TRAK1: variants seen among roughly 807,000 people sequenced by gnomAD.
The protein encoded by TRAK1 is trafficking kinesin-binding protein 1.
TRAK1 carries 33 observed loss-of-function variants against 92.1 expected under a neutral mutation model. The ratio of observed to expected loss-of-function variants is 0.36; its 90% CI spans 0.27 to 0.48. TRAK1 has a LOEUF of 0.48. Among genes scored for constraint, TRAK1 ranks in the 20% least tolerant of loss-of-function variants. The pLI, the probability that TRAK1 is intolerant of heterozygous loss-of-function variation, is 0.99. For missense variants in TRAK1, 1,123 were observed against 1,257.9 expected, an observed-to-expected ratio of 0.89 and a Z score of 1.62; for synonymous variants, 521 against 517.3, an observed-to-expected ratio of 1.01 and a Z score of -0.10.
intron 8 of TRAK1, among the ~76,000 whole-genome samples, chr3:42,193,448 T>C (rs545702761): frequency 6.6e-6 from 1 of 152,358 alleles, no homozygotes; most frequent in South Asian, 2.1e-4. Context: ...GTTGTAAATA[T>C]GGACTTTTGC....
Position 42,223,888 on chromosome 3 carries a change from G to A in TRAK1, c.*151G>A. The A allele has an allele frequency of 1.1e-6, 1 of 888,236 alleles. No individual in the cohort carries two copies. The highest frequency in any genetic ancestry group is 1.7e-6 in the Non-Finnish European group (1 of 581,752). 55.0% of individuals were successfully genotyped at this position (888,236 alleles called of 1,614,324 possible). On this transcript the variant is annotated 3_prime_UTR_variant, in exon 16 of 16. Coordinates refer to ENST00000327628, the MANE Select transcript of TRAK1 (RefSeq NM_001042646.3). This position sits in a 1 kb window ranked among gnomAD's most constrained non-coding sequence, Gnocchi z 6.1. ...AGACAAATCAACCTCGTGCCTAATGGAGGAAGTGTGGAAACTTTGTAAAAT... is the reference window on the plus strand; with the variant it reads ...AGACAAATCAACCTCGTGCCTAATGAAGGAAGTGTGGAAACTTTGTAAAAT...
chr3:42,130,217 A>T (rs1383751449), intron 2 of TRAK1, among the ~76,000 whole-genome samples: 1 of 152,064 alleles, frequency 6.6e-6, no homozygotes, highest in African/African-American at 2.4e-5. Context: ...GCAGACATGA[A>T]AGCTGCTGCA....
chr3:42,156,452 C>T (rs569948341), intron 2 of TRAK1, among the ~76,000 whole-genome samples: 25 of 152,270 alleles, frequency 1.6e-4, no homozygotes, highest in Admixed American at 5.2e-4. Context: ...GCAGCCAGCC[C>T]GAAGGGGCTC....
At chr3:42,071,542 T>A (rs1240413959) in intron 1 of TRAK1, among the ~76,000 whole-genome samples, 3 of 152,060 alleles carry the variant, frequency 2.0e-5, no homozygotes, top group African/African-American at 7.2e-5. Flanking sequence ...ATCCCGTCTC[T>A]ACTAAAAATA....
At chr3:42,178,138 G>A (rs1275161907) in intron 3 of TRAK1, among the ~76,000 whole-genome samples, 4 of 152,090 alleles carry the variant, frequency 2.6e-5, no homozygotes, top group Non-Finnish European at 4.4e-5. Flanking sequence ...CACCCCGTTC[G>A]GGTCATTGAG....
intron 12 of TRAK1, among the ~76,000 whole-genome samples, chr3:42,201,935 T>G (rs1242322454): frequency 1.4e-5 from 2 of 142,648 alleles, no homozygotes; most frequent in Non-Finnish European, 3.1e-5. Context: ...CACACACCAT[T>G]GTCTACTTTG....
chr3:42,089,684 C>CCCG, upstream of TRAK1, among the ~76,000 whole-genome samples: 1 of 150,736 alleles, frequency 6.6e-6, no homozygotes, highest in Non-Finnish European at 1.5e-5. Flanking sequence ...GACCCCCCCC[C>CCCG]AATACAGAGT....
intron 1 of TRAK1, among the ~76,000 whole-genome samples, chr3:42,113,265 A>AT (rs1708701354): frequency 6.6e-6 from 1 of 152,080 alleles, no homozygotes; most frequent in African/African-American, 2.4e-5. Flanking sequence ...CAAACATAAT[A>AT]TTTGCCATTT....
At chr3:42,053,377 G>GT (rs1279406678) in intron 1 of TRAK1, among the ~76,000 whole-genome samples, 1 of 84,158 alleles carries the variant, frequency 1.2e-5, no homozygotes, top group South Asian at 3.2e-4. Flanking sequence ...GAGTCGGGTG[G>GT]GGGGGGGGGG....
chr3:42,062,666 A>C (rs1175651756), intron 1 of TRAK1, among the ~76,000 whole-genome samples: 1 of 152,230 alleles, frequency 6.6e-6, no homozygotes, highest in African/African-American at 2.4e-5. Context: ...TGTATGCCTT[A>C]AAACAAAGTA....
chr3:42,064,994 G>A (rs1236505722), intron 1 of TRAK1, among the ~76,000 whole-genome samples: 1 of 152,060 alleles, frequency 6.6e-6, no homozygotes, highest in East Asian at 2.0e-4. Context: ...GGAGAATGGT[G>A]TGAATCCGGG....
At chr3:42,137,886 T>C (rs1215561028) in intron 2 of TRAK1, among the ~76,000 whole-genome samples, 1 of 152,216 alleles carries the variant, frequency 6.6e-6, no homozygotes, top group Non-Finnish European at 1.5e-5. Context: ...TGGGACTCGG[T>C]TTCTTATCTG....
chr3:42,201,929 C>CAT (rs1559378418), intron 12 of TRAK1, among the ~76,000 whole-genome samples: 25 of 148,242 alleles, frequency 1.7e-4, no homozygotes, highest in African/African-American at 6.2e-4. Context: ...CACACACACA[C>CAT]ACCATTGTCT....
chr3:42,186,497 T>A (rs1704880013), intron 4 of TRAK1, among the ~76,000 whole-genome samples: 2 of 152,236 alleles, frequency 1.3e-5, no homozygotes, highest in Admixed American at 1.3e-4. Context: ...AGAATGCTGT[T>A]GTATTTTAGG....
chr3:42,148,923 C>G lies in TRAK1; in HGVS notation c.286+23309C>G, dbSNP rs141773396. Among the ~76,000 whole-genome samples the G allele has an allele frequency of 1.4e-4, 22 of 152,202 alleles. No individual in the cohort carries two copies. The East Asian group carries it at 4.1e-3, about 28-fold the overall frequency. On this transcript the variant is annotated intron_variant, in intron 2 of 15. Coordinates refer to ENST00000327628, the MANE Select transcript of TRAK1 (RefSeq NM_001042646.3). ...ATCCAGAGTCTTCTTTCTATCGTGA[C>G]CCAAAGTAGGGTGAATAAGCTTGTC...
upstream of TRAK1, among the ~76,000 whole-genome samples, chr3:42,085,850 G>C (rs868042494): frequency 7.2e-5 from 11 of 152,162 alleles, no homozygotes; most frequent in Middle Eastern, 3.2e-3. Flanking sequence ...AAACCACACG[G>C]ATATGAAAGT....
At chr3:42,119,508 A>G (rs1007997876) in intron 1 of TRAK1, among the ~76,000 whole-genome samples, 1 of 152,210 alleles carries the variant, frequency 6.6e-6, no homozygotes, top group African/African-American at 2.4e-5. Flanking sequence ...AAGTAATTGG[A>G]ACTGTAGCCT....
intron 2 of TRAK1, among the ~76,000 whole-genome samples, chr3:42,133,361 C>T (rs758960337): frequency 6.6e-6 from 1 of 152,164 alleles, no homozygotes; most frequent in Non-Finnish European, 1.5e-5. Flanking sequence ...ACCCCTCTTC[C>T]TTTTCTTTTT....
At chr3:42,117,960 C>A (rs1483249718) in intron 1 of TRAK1, among the ~76,000 whole-genome samples, 1 of 151,602 alleles carries the variant, frequency 6.6e-6, no homozygotes, top group Non-Finnish European at 1.5e-5. Flanking sequence ...GCTGGGATTA[C>A]AGGCACGTGC....
Sources: gnomAD v4.1 joint callset for allele counts (sites outside exome capture counted in the v4.1 genomes callset) on GRCh38, gnomAD v4.1.1 for gene constraint, Gnocchi (gnomAD v3.1) non-coding constraint, MANE v1.5 for transcripts, NCBI Gene and HGNC (gene_info 2026-07-23, HGNC 2026-07-21) for gene names.